The following ACYP1 variants were observed in gnomAD, a reference collection of about 807,000 sequenced individuals.
The protein encoded by ACYP1 is acylphosphatase 1, also known as acylphosphatase-1.
In ACYP1, 8 loss-of-function variants were observed where a neutral mutation model predicts 10.4. The ratio of observed to expected loss-of-function variants is 0.77; its 90% CI spans 0.45 to 1.38. The LOEUF (loss-of-function observed/expected upper bound fraction) is 1.38, where lower values mean the gene tolerates loss of function less well. Ranked by LOEUF, ACYP1 falls within the 40% of genes most tolerant of loss-of-function variation. The probability of loss-of-function intolerance (pLI) is 0.00; values close to 1 mark genes in which losing one functional copy is unlikely to be tolerated. For missense variants in ACYP1, 93 were observed against 117.3 expected (o/e 0.79, Z 0.96); for synonymous variants, 38 against 40.8 (o/e 0.93, Z 0.26).
At chr14:75,058,777 T>G (rs1892946221) in intron 2 of ACYP1, among the ~76,000 whole-genome samples, 1 of 152,152 alleles carries the variant, frequency 6.6e-6, no homozygotes, top group South Asian at 2.1e-4. Flanking sequence ...CTTCAACAAA[T>G]GGTGCTGGGA....
At chr14:75,067,167 G>A (rs922460316), upstream of ACYP1, among the ~76,000 whole-genome samples, 2 of 146,586 alleles carry the variant, frequency 1.4e-5, no homozygotes, top group Non-Finnish European at 3.0e-5. Flanking sequence ...CATTAAAGAA[G>A]AGAATGTCTG....
At position 75,057,662 on chromosome 14, in the gene ACYP1, G is replaced by A. The variant is rs151052116; in HGVS notation, c.85-4003C>T. ...TAAGGATAGTGGCTTAGACCATTTCGTGTTGCTATAAAGAACTACCTGAGG... is the reference window on the plus strand; with the variant it reads ...TAAGGATAGTGGCTTAGACCATTTCATGTTGCTATAAAGAACTACCTGAGG... On this transcript the variant is annotated intron_variant, in intron 2 of 2. Coordinates refer to ENST00000238618, the MANE Select transcript of ACYP1 (RefSeq NM_001107.5). Among the ~76,000 whole-genome samples, 62 of 151,330 alleles carry A rather than the reference G, an allele frequency of 4.1e-4. 1 individual carries two copies. Among genetic ancestry groups the A allele is most frequent in the African/African-American group, 1.4e-3 (58 of 40,892 alleles).
rs140590153 is a variant in ACYP1 at position 75,056,257 on chromosome 14, T to C, written c.85-2598A>G. On this transcript the variant is annotated intron_variant, in intron 2 of 2. Coordinates refer to ENST00000238618, the MANE Select transcript of ACYP1 (RefSeq NM_001107.5). ...AATAGAAGAAGATCCAAACCAAGAA[T>C]TAAGGGTTAAAAAAAAGAAGAGGAA... Among the ~76,000 whole-genome samples, 300 of 151,142 alleles carry C rather than the reference T, an allele frequency of 2.0e-3. 5 individuals carry two copies. The highest frequency in any genetic ancestry group is 3.4e-3 in the Middle Eastern group (1 of 290).
At chr14:75,069,088 T>TA in intron 1 of ACYP1, 1 of 1,003,184 alleles carries the variant, frequency 1.0e-6, no homozygotes, top group African/African-American at 1.7e-5. Context: ...AACATTATAA[T>TA]ATCAAAATAA....
chr14:75,059,398 G>A (rs1276400102), intron 2 of ACYP1, among the ~76,000 whole-genome samples: 1 of 152,050 alleles, frequency 6.6e-6, no homozygotes, highest in Non-Finnish European at 1.5e-5. Flanking sequence ...GGATTAGGAA[G>A]ATTTCTTAGA....
chr14:75,060,180 C>T, intron 2 of ACYP1: 3 of 625,890 alleles, frequency 4.8e-6, no homozygotes, highest in Non-Finnish European at 5.7e-6. Context: ...TCCAGTTATC[C>T]TTTTTATTTT....
intron 2 of ACYP1, chr14:75,060,173 A>T: frequency 4.7e-6 from 3 of 634,232 alleles, no homozygotes; most frequent in Non-Finnish European, 8.5e-6. Context: ...GGGATTTTCC[A>T]GTTATCCTTT....
chr14:75,069,273 G>A, exon 1 of ACYP1: 1 of 1,455,704 alleles, frequency 6.9e-7, no homozygotes, highest in Non-Finnish European at 9.0e-7. Context: ...GCTCCCGCCA[G>A]GCGGGCGGAC....
At chr14:75,059,176 TAAAA>T (rs71119344) in intron 2 of ACYP1, among the ~76,000 whole-genome samples, 3 of 97,374 alleles carry the variant, frequency 3.1e-5, no homozygotes, top group African/African-American at 8.1e-5. Context: ...GACTCTGTCT[TAAAA>T]AAAAAAAAAA....
In ACYP1 at chr14:75,069,213, G is replaced by A. The variant is rs1172957448; in HGVS notation, c.79C>T (p.Pro27Ser). 4.0e-6 allele frequency: 6 copies of A among 1,514,940 alleles called. No individual in the cohort carries two copies. In the Admixed American group the frequency reaches 1.2e-4, roughly 32 times the overall value. The allele number at this position is 1,514,940 out of a possible 1,614,324, so 93.8% of individuals were successfully genotyped here. ...GAGCGCGCGCGTGCAGCCATACCTG[G>A]GGCCCGCCCAGCGCAGCCGAGCGCG... The change falls in exon 1 of 3, where the codon CCA becomes TCA. Residue 27 changes from proline (P) to serine (S), a missense_variant. Pro to Ser is a moderately conservative substitution (Grantham distance 74). Coordinates refer to the ACYP1 transcript ENST00000555463.
upstream of ACYP1, among the ~76,000 whole-genome samples, chr14:75,067,228 T>C (rs1428823659): frequency 3.8e-5 from 4 of 104,138 alleles, no homozygotes; most frequent in African/African-American, 6.4e-5. Flanking sequence ...CACACACACA[T>C]ATATATGAAA....
chr14:75,067,194 C>T (rs1893156158), upstream of ACYP1, among the ~76,000 whole-genome samples: 2 of 49,584 alleles, frequency 4.0e-5, no homozygotes, highest in South Asian at 1.3e-3. Context: ...CACACACACA[C>T]ACACACACAC....
intron 2 of ACYP1, among the ~76,000 whole-genome samples, chr14:75,058,526 C>T (rs376049565): frequency 6.6e-6 from 1 of 151,244 alleles, no homozygotes; most frequent in African/African-American, 2.5e-5. Context: ...TCCCACCCCC[C>T]AGGAAGAGCA....
chr14:75,054,364 C>A (rs1892824593), intron 2 of ACYP1, among the ~76,000 whole-genome samples: 1 of 151,594 alleles, frequency 6.6e-6, no homozygotes, highest in African/African-American at 2.4e-5. Flanking sequence ...TCTAAATAAT[C>A]ACAATGCCTT....
chr14:75,062,659 CAA>C (rs534860020), intron 2 of ACYP1, among the ~76,000 whole-genome samples: 5,139 of 103,454 alleles, frequency 0.05, 143 homozygotes, highest in African/African-American at 0.13. Context: ...ACTAAAAATA[CAA>C]AAAAAAAAAA....
At chr14:75,059,935 T>C (rs1446177024) in intron 2 of ACYP1, 2 of 237,766 alleles carry the variant, frequency 8.4e-6, no homozygotes, top group Non-Finnish European at 1.6e-5. Flanking sequence ...TGTAGATTTA[T>C]GATTGTCAGG....
At chr14:75,060,857 G>C (rs1892996791) in intron 2 of ACYP1, among the ~76,000 whole-genome samples, 1 of 152,124 alleles carries the variant, frequency 6.6e-6, no homozygotes. Flanking sequence ...CCTGAGGTGA[G>C]GAGTTCAAGA....
exon 1 of ACYP1, chr14:75,069,479 CGGACACTGACTG>C (rs1459420037): frequency 4.6e-5 from 23 of 497,514 alleles, no homozygotes; most frequent in African/African-American, 8.2e-5. Context: ...CAGAGTTGGC[CGGACACTGACTG>C]GGTCAAGTGA....
At chr14:75,066,241 T>C (rs1489058951), upstream of ACYP1, among the ~76,000 whole-genome samples, 1 of 152,222 alleles carries the variant, frequency 6.6e-6, no homozygotes, top group Non-Finnish European at 1.5e-5. Context: ...AAGAAGCTAC[T>C]GGGGAGGGAA....
Sources: gnomAD v4.1 joint callset for allele counts (sites outside exome capture counted in the v4.1 genomes callset) on GRCh38, gnomAD v4.1.1 for gene constraint, MANE v1.5 for transcripts, NCBI Gene and HGNC (gene_info 2026-07-23, HGNC 2026-07-21) for gene names.